The following NAALADL2 variants were observed in gnomAD, a reference collection of about 807,000 sequenced individuals.
NAALADL2 encodes N-acetylated alpha-linked acidic dipeptidase like 2.
In NAALADL2, 76 loss-of-function variants were observed where a neutral mutation model predicts 87.2. That is an observed-to-expected ratio of 0.87 (90% CI 0.72 to 1.05). NAALADL2 has a LOEUF of 1.05. Among genes scored for constraint, NAALADL2 ranks in the 50% least tolerant of loss-of-function variants. The pLI, the probability that NAALADL2 is intolerant of heterozygous loss-of-function variation, is 0.00. For synonymous variants in NAALADL2, 354 were observed against 331.0 expected, an observed-to-expected ratio of 1.07 and a Z score of -0.75; for missense variants, 1,089 against 945.8, an observed-to-expected ratio of 1.15 and a Z score of -1.99.
intron 1 of NAALADL2, among the ~76,000 whole-genome samples, chr3:174,958,565 G>T (rs185072426): frequency 2.0e-5 from 3 of 151,988 alleles, no homozygotes; most frequent in African/African-American, 4.8e-5. Flanking sequence ...CTGATTACAC[G>T]TGCAGTTCAA....
chr3:175,549,057 A>G (rs891806764), intron 9 of NAALADL2, among the ~76,000 whole-genome samples: 3 of 152,138 alleles, frequency 2.0e-5, no homozygotes, highest in Middle Eastern at 3.4e-3. Flanking sequence ...CTGAATTAAT[A>G]TGTCATTAAA....
chr3:175,076,201 CCAGGTGA>C (rs552806256), intron 1 of NAALADL2, among the ~76,000 whole-genome samples: 4 of 152,020 alleles, frequency 2.6e-5, no homozygotes, highest in Admixed American at 6.6e-5. Context: ...GCACTCCATC[CCAGGTGA>C]CAGGTGACAG....
chr3:175,437,324 A>G (rs1718866251), intron 5 of NAALADL2, among the ~76,000 whole-genome samples: 1 of 145,344 alleles, frequency 6.9e-6, no homozygotes, highest in Non-Finnish European at 1.5e-5. Context: ...ACAGAGAGCC[A>G]AATCATGAGT....
At chr3:175,246,667 AT>A (rs1428028980) in intron 3 of NAALADL2, among the ~76,000 whole-genome samples, 3 of 152,126 alleles carry the variant, frequency 2.0e-5, no homozygotes, top group African/African-American at 7.2e-5. Flanking sequence ...TGTTTAGCTG[AT>A]TGTAGGAAAT....
chr3:175,151,312 A>G (rs1731508126), intron 2 of NAALADL2, among the ~76,000 whole-genome samples: 1 of 152,174 alleles, frequency 6.6e-6, no homozygotes, highest in Non-Finnish European at 1.5e-5. Flanking sequence ...GAGCAACCAC[A>G]TGTAACTGGC....
At chr3:175,151,250 T>G (rs1731500725) in intron 2 of NAALADL2, among the ~76,000 whole-genome samples, 1 of 152,170 alleles carries the variant, frequency 6.6e-6, no homozygotes, top group East Asian at 1.9e-4. Context: ...GGCAGGCACC[T>G]TGGGGAAGTC....
At chr3:174,447,584 G>A (rs1577932284) in intron 1 of NAALADL2, among the ~76,000 whole-genome samples, 1 of 152,120 alleles carries the variant, frequency 6.6e-6, no homozygotes, top group Non-Finnish European at 1.5e-5. Flanking sequence ...TTGGGTGGCC[G>A]AGGTGGGCGG....
Position 175,471,631 on chromosome 3 carries a change from T to G in NAALADL2, c.1534-8T>G, listed in dbSNP as rs1724913680. 3.6e-6 allele frequency: 5 copies of G among 1,392,464 alleles called. No homozygotes were observed. The highest frequency in any genetic ancestry group is 1.8e-4 in the Middle Eastern group (1 of 5,644). The allele number at this position is 1,392,464 out of a possible 1,614,324, so 86.3% of individuals were successfully genotyped here. ...TACAGATAGATCCTTTTTTTTTTGT[T>G]ATTTCAGGATTTCAAGAAGGTTCTT... On this transcript the variant is annotated splice_polypyrimidine_tract_variant and splice_region_variant and intron_variant, in intron 8 of 13. Transcript: ENST00000454872.
chr3:175,718,228 A>ATTTTG, intron 11 of NAALADL2: 1 of 319,610 alleles, frequency 3.1e-6, no homozygotes, highest in Non-Finnish European at 4.9e-6. Flanking sequence ...TTTTTTGATT[A>ATTTTG]GTTGCTGTAA....
chr3:175,298,422 A>C (rs1201170343), intron 4 of NAALADL2, among the ~76,000 whole-genome samples: 1 of 152,190 alleles, frequency 6.6e-6, no homozygotes, highest in African/African-American at 2.4e-5. Flanking sequence ...ATCTGATAAA[A>C]ATCAACAGAC....
At chr3:174,837,023 G>A (rs991122793) in intron 3 of NAALADL2, among the ~76,000 whole-genome samples, 6 of 152,032 alleles carry the variant, frequency 3.9e-5, no homozygotes, top group African/African-American at 1.4e-4. Context: ...AACGTTCATA[G>A]CCCTAAATGC....
intron 2 of NAALADL2, among the ~76,000 whole-genome samples, chr3:175,163,955 A>G (rs1000085133): frequency 6.6e-6 from 1 of 152,176 alleles, no homozygotes; most frequent in African/African-American, 2.4e-5. Context: ...ACAGGTTCTG[A>G]TCTTGGCATT....
chr3:174,735,078 C>T (rs1246783324), intron 2 of NAALADL2, among the ~76,000 whole-genome samples: 1 of 152,022 alleles, frequency 6.6e-6, no homozygotes, highest in East Asian at 1.9e-4. Context: ...TTATAGCTTT[C>T]AAGTATCTCA....
intron 2 of NAALADL2, among the ~76,000 whole-genome samples, chr3:174,672,460 A>C (rs550863603): frequency 1.1e-5 from 1 of 87,926 alleles, no homozygotes; most frequent in African/African-American, 3.2e-5. Flanking sequence ...TGAGCAAATC[A>C]GATAAAAATT....
chr3:174,545,288 T>G (rs997448632), intron 1 of NAALADL2, among the ~76,000 whole-genome samples: 1 of 152,202 alleles, frequency 6.6e-6, no homozygotes, highest in African/African-American at 2.4e-5. Context: ...CTTTATTCTC[T>G]TGCATCAATT....
At chr3:174,689,357 A>G (rs1390590688) in intron 2 of NAALADL2, among the ~76,000 whole-genome samples, 2 of 151,286 alleles carry the variant, frequency 1.3e-5, no homozygotes, top group Non-Finnish European at 2.9e-5. Context: ...CAATTGTTTC[A>G]TGAACTACTG....
intron 5 of NAALADL2, among the ~76,000 whole-genome samples, chr3:175,372,525 G>T (rs1766638882): frequency 6.6e-6 from 1 of 152,162 alleles, no homozygotes; most frequent in Admixed American, 6.5e-5. Flanking sequence ...TGCTGATAAA[G>T]GCTGAAGCTA....
intron 1 of NAALADL2, among the ~76,000 whole-genome samples, chr3:174,507,409 C>T (rs1719263702): frequency 6.6e-6 from 1 of 152,030 alleles, no homozygotes; most frequent in Non-Finnish European, 1.5e-5. Flanking sequence ...GAGTTTTTCT[C>T]ACTGATTTTT....
chr3:174,596,917 G>C (rs473655), intron 2 of NAALADL2, among the ~76,000 whole-genome samples: 73,359 of 151,938 alleles, frequency 0.48, 20,534 homozygotes, highest in East Asian at 0.8. Flanking sequence ...ACTTGAATGC[G>C]CCTGATTTTA....
Sources: gnomAD v4.1 joint callset for allele counts (sites outside exome capture counted in the v4.1 genomes callset) on GRCh38, gnomAD v4.1.1 for gene constraint, MANE v1.5 for transcripts, NCBI Gene and HGNC (gene_info 2026-07-23, HGNC 2026-07-21) for gene names.